ZNF362: variants seen among roughly 807,000 people sequenced by gnomAD.
ZNF362 encodes the protein rotund homolog.
ZNF362 carries 11 observed loss-of-function variants against 42.9 expected under a neutral mutation model. The observed-to-expected ratio is 0.26, with a 90% confidence interval of 0.16 to 0.42. ZNF362 has a LOEUF of 0.42. Among genes scored for constraint, ZNF362 ranks in the 20% least tolerant of loss-of-function variants. The pLI is 1.00. For missense variants in ZNF362, 362 were observed against 576.2 expected (o/e 0.63, Z 3.81); for synonymous variants, 255 against 257.3 (o/e 0.99, Z 0.09).
At chr1:33,222,324 A>G in the ZNF362 span, among the ~76,000 whole-genome samples, 2 of 152,108 alleles carry the variant, frequency 1.3e-5, no homozygotes, top group Admixed American at 6.6e-5. Context: ...CAAGCCCTGT[A>G]CATCCTACCT....
At chr1:33,218,932 T>TACACACACACACACACACACACACAC in the ZNF362 span, among the ~76,000 whole-genome samples, 1 of 121,000 alleles carries the variant, frequency 8.3e-6, no homozygotes. Flanking sequence ...GAGCTGGACA[T>TACACACACACACACACACACACACAC]ACACACACAC....
chr1:33,251,937 T>C (rs1570372558), upstream of ZNF362, among the ~76,000 whole-genome samples: 6 of 152,334 alleles, frequency 3.9e-5, no homozygotes, highest in Admixed American at 3.9e-4. Flanking sequence ...AGGAGCACTG[T>C]ATTTCCCAGC....
chr1:33,269,566 T>C (rs1419742180), intron 1 of ZNF362, among the ~76,000 whole-genome samples: 1 of 152,206 alleles, frequency 6.6e-6, no homozygotes, highest in African/African-American at 2.4e-5. Flanking sequence ...AGACAGGTTC[T>C]CACTCTGTCA....
chr1:33,177,856 G>A, the ZNF362 span, among the ~76,000 whole-genome samples: 1 of 152,186 alleles, frequency 6.6e-6, no homozygotes, highest in Admixed American at 6.5e-5. This position sits in a 1 kb window ranked among gnomAD's most constrained non-coding sequence, Gnocchi z 4.1. Context: ...GCAGTACTAA[G>A]TTTTTATAAA....
chr1:33,276,484 A>C lies in ZNF362; in HGVS notation c.239A>C (p.Gln80Pro). ...LVPPAPAESS[Q>P]AVMSLPKLQQ... ...CCGCCGGCACCCGCCGAGAGCAGCC[A>C]GGCCGTCATGTCGCTGCCCAAGCTG... Residue 80 changes from glutamine (Q) to proline (P), a missense_variant, in exon 4 of 9, where the codon CAG becomes CCG. By Grantham distance (76) the Gln-to-Pro change is moderately conservative. Coordinates refer to ENST00000539719, the MANE Select transcript of ZNF362 (RefSeq NM_152493.3). The C allele has an allele frequency of 6.3e-7, 1 of 1,589,232 alleles. No individual in the cohort carries two copies. Among genetic ancestry groups the C allele is most frequent in the African/African-American group, 1.3e-5 (1 of 74,574 alleles).
In ZNF362 at chr1:33,270,553, C is replaced by T; in HGVS notation, c.-22C>T. ...AGGGAAAGCTCCGTAGAAGAGGGAA[C>T]ACTTGAGCTGGGTCTTGAAGGATGA... On this transcript the variant is annotated 5_prime_UTR_variant, in exon 2 of 9. Coordinates refer to ENST00000539719, the MANE Select transcript of ZNF362 (RefSeq NM_152493.3). 2.0e-6 allele frequency: 3 copies of T among 1,524,598 alleles called. No individual in the cohort carries two copies. The South Asian group carries it at 3.4e-5, about 17-fold the overall frequency. The allele number at this position is 1,524,598 out of a possible 1,614,324, so 94.4% of individuals were successfully genotyped here. A position where few individuals can be genotyped will look rare whatever the true frequency, so the allele number is the denominator to read the frequency against.
the ZNF362 span, among the ~76,000 whole-genome samples, chr1:33,240,689 T>C: frequency 2.7e-4 from 41 of 152,338 alleles, no homozygotes; most frequent in African/African-American, 9.4e-4. Flanking sequence ...AAGCTAACTT[T>C]GGTGCAGTCT....
upstream of ZNF362, among the ~76,000 whole-genome samples, chr1:33,255,028 C>T (rs1347440842): frequency 6.6e-6 from 1 of 152,126 alleles, no homozygotes; most frequent in Non-Finnish European, 1.5e-5. Context: ...AAAGAGTGGC[C>T]TCCTCTGTGC....
the ZNF362 span, among the ~76,000 whole-genome samples, chr1:33,236,550 A>AAAAAAATAT: frequency 1.2e-3 from 7 of 5,980 alleles, no homozygotes; most frequent in East Asian, 8.5e-3. Context: ...AAAAAAAAAA[A>AAAAAAATAT]ATATATATAT....
chr1:33,161,959 T>C, the ZNF362 span, among the ~76,000 whole-genome samples: 1 of 152,144 alleles, frequency 6.6e-6, no homozygotes, highest in Non-Finnish European at 1.5e-5. The surrounding 1 kb of genome is among the most constrained non-coding windows in gnomAD (Gnocchi z 4.3). Flanking sequence ...TGAACTGCTT[T>C]AAGGATGGTT....
At chr1:33,267,473 CTAT>C (rs1034715849) in intron 1 of ZNF362, among the ~76,000 whole-genome samples, 1 of 152,186 alleles carries the variant, frequency 6.6e-6, no homozygotes, top group Non-Finnish European at 1.5e-5. Context: ...TCCCCCCTGA[CTAT>C]TGTTGTATCA....
the ZNF362 span, among the ~76,000 whole-genome samples, chr1:33,136,129 TC>T: frequency 5.9e-5 from 8 of 136,280 alleles, no homozygotes; most frequent in African/African-American, 1.9e-4. Flanking sequence ...CTTCCTTCCT[TC>T]CTTCCTTCCT....
intron 2 of ZNF362, chr1:33,275,292 C>G: frequency 1.0e-6 from 1 of 985,444 alleles, no homozygotes; most frequent in Non-Finnish European, 1.2e-6. Context: ...GTTGAAAAGG[C>G]CTTCTAACCG....
chr1:33,162,579 G>A, the ZNF362 span, among the ~76,000 whole-genome samples: 1 of 152,206 alleles, frequency 6.6e-6, no homozygotes, highest in Admixed American at 6.5e-5. Flanking sequence ...TTGCTTGAGG[G>A]GTGAAGGAGG....
At chr1:33,177,143 G>A in the ZNF362 span, among the ~76,000 whole-genome samples, 1 of 152,016 alleles carries the variant, frequency 6.6e-6, no homozygotes, top group Non-Finnish European at 1.5e-5. The surrounding 1 kb of genome is among the most constrained non-coding windows in gnomAD (Gnocchi z 4.1). Flanking sequence ...ACACGCACAT[G>A]CACACCCACA....
intron 4 of ZNF362, among the ~76,000 whole-genome samples, chr1:33,279,769 T>C (rs1384566127): frequency 1.3e-5 from 2 of 152,168 alleles, no homozygotes; most frequent in Non-Finnish European, 2.9e-5. Flanking sequence ...TCCTTTTCAA[T>C]GGGCAGTTCA....
chr1:33,244,828 G>A, the ZNF362 span, among the ~76,000 whole-genome samples: 37,385 of 152,140 alleles, frequency 0.25, 4,579 homozygotes, highest in East Asian at 0.3. The surrounding 1 kb of genome is among the most constrained non-coding windows in gnomAD (Gnocchi z 4.0). Context: ...GAGGTACACA[G>A]TAAGGAACAG....
intron 6 of ZNF362, among the ~76,000 whole-genome samples, chr1:33,286,720 C>A (rs1646035583): frequency 6.6e-6 from 1 of 152,166 alleles, no homozygotes; most frequent in Non-Finnish European, 1.5e-5. Context: ...ACAAACAAAG[C>A]CAAAGCTGAA....
At chr1:33,292,199 T>A (rs1203762755) in intron 6 of ZNF362, among the ~76,000 whole-genome samples, 2 of 152,190 alleles carry the variant, frequency 1.3e-5, no homozygotes, top group African/African-American at 4.8e-5. Context: ...ATATTGGCTG[T>A]GGGTTTGTCA....
Sources: gnomAD v4.1 joint callset for allele counts (sites outside exome capture counted in the v4.1 genomes callset) on GRCh38, gnomAD v4.1.1 for gene constraint, Gnocchi (gnomAD v3.1) non-coding constraint, MANE v1.5 for transcripts, NCBI Gene and HGNC (gene_info 2026-07-23, HGNC 2026-07-21) for gene names.